LHFPL3: variants seen among roughly 807,000 people sequenced by gnomAD.
The protein encoded by LHFPL3 is LHFPL tetraspan subfamily member 3.
A neutral mutation model predicts 19.3 loss-of-function variants in LHFPL3; 5 were observed. That is an observed-to-expected ratio of 0.26 (90% CI 0.14 to 0.54). LHFPL3 has a LOEUF of 0.54. Ranked by LOEUF, LHFPL3 falls within the 20% of genes least tolerant of loss-of-function variation. LHFPL3 has a pLI of 0.94. For missense variants in LHFPL3, 249 were observed against 307.4 expected, an observed-to-expected ratio of 0.81 and a Z score of 1.42; for synonymous variants, 133 against 126.2, an observed-to-expected ratio of 1.05 and a Z score of -0.36.
chr7:104,670,868 T>TG (rs1554422780), intron 1 of LHFPL3, among the ~76,000 whole-genome samples: 7 of 150,130 alleles, frequency 4.7e-5, no homozygotes, highest in Non-Finnish European at 8.9e-5. Flanking sequence ...TTTGTTTTGT[T>TG]TTTTTTTTTT....
At chr7:104,673,380 C>G (rs372527220) in intron 1 of LHFPL3, among the ~76,000 whole-genome samples, 9 of 152,184 alleles carry the variant, frequency 5.9e-5, no homozygotes, top group African/African-American at 1.9e-4. Context: ...TCGTCTAACA[C>G]TTTTTGGAAG....
intron 2 of LHFPL3, among the ~76,000 whole-genome samples, chr7:104,893,749 C>T (rs1439422843): frequency 6.6e-6 from 1 of 151,952 alleles, no homozygotes; most frequent in African/African-American, 2.4e-5. Flanking sequence ...GTCAGGAGTT[C>T]GAGACCAGCC....
chr7:104,426,209 GC>G (rs1791840922), intron 1 of LHFPL3, among the ~76,000 whole-genome samples: 1 of 152,116 alleles, frequency 6.6e-6, no homozygotes, highest in Admixed American at 6.6e-5. Context: ...GATAGGTAAA[GC>G]TTTGATTCTG....
At position 104,468,395 on chromosome 7, in the gene LHFPL3, G is replaced by A. The variant is rs554063306; in HGVS notation, c.445+139171G>A. Among the ~76,000 whole-genome samples, 448 of 152,324 alleles carry A rather than the reference G, an allele frequency of 2.9e-3. 1 individual carries two copies. The highest frequency in any genetic ancestry group is 4.8e-3 in the Non-Finnish European group (327 of 68,026). On this transcript the variant is annotated intron_variant, in intron 1 of 2. Coordinates refer to ENST00000424859, the MANE Select transcript of LHFPL3 (RefSeq NM_199000.3). ...CTAAGAATGGAAGCCAGTGCCAATA[G>A]CCAGTAGCTGCAGCTTGGGAGGCAG...
intron 1 of LHFPL3, among the ~76,000 whole-genome samples, chr7:104,693,376 G>A (rs1351065080): frequency 3.3e-5 from 5 of 152,108 alleles, no homozygotes; most frequent in Non-Finnish European, 7.4e-5. Flanking sequence ...TTTGGGAGGG[G>A]CCAGGGCAGA....
intron 1 of LHFPL3, among the ~76,000 whole-genome samples, chr7:104,723,578 T>C (rs1313754270): frequency 6.6e-6 from 1 of 151,596 alleles, no homozygotes; most frequent in Non-Finnish European, 1.5e-5. Context: ...AAAAATTAGT[T>C]GGGTGTGGCG....
intron 2 of LHFPL3, among the ~76,000 whole-genome samples, chr7:104,884,404 CCCAGTGTGGTTCA>C (rs1216161492): frequency 6.6e-6 from 1 of 152,170 alleles, no homozygotes; most frequent in Non-Finnish European, 1.5e-5. Flanking sequence ...CTCGGTATTT[CCCAGTGTGGTTCA>C]CCAGCCACCT....
In LHFPL3 at chr7:104,720,000, T is replaced by C. The variant is rs561927509; in HGVS notation, c.446-16675T>C. Among the ~76,000 whole-genome samples, 5 of 152,232 alleles carry C rather than the reference T, an allele frequency of 3.3e-5. No homozygotes were observed. In the East Asian group the frequency reaches 9.7e-4, roughly 29 times the overall value. Reference sequence around the variant, plus strand: ...TGACCTCCAAACCAACTGAGAGCGATGGAGGAAGATGGGAACCAAAATAGC... The same window carrying C: ...TGACCTCCAAACCAACTGAGAGCGACGGAGGAAGATGGGAACCAAAATAGC... On this transcript the variant is annotated intron_variant, in intron 1 of 2. Transcript: ENST00000424859.
At chr7:104,487,620 C>T (rs117563925) in intron 1 of LHFPL3, among the ~76,000 whole-genome samples, 3,007 of 152,290 alleles carry the variant, frequency 0.02, 136 homozygotes, top group Admixed American at 0.11. Flanking sequence ...TGGCCCCTGG[C>T]CAGGAATCAT....
rs571698736 is a variant in LHFPL3 at position 104,564,495 on chromosome 7, A to G, written c.446-172180A>G. 2.0e-5 allele frequency among the ~76,000 whole-genome samples: 3 copies of G among 152,362 alleles called. No individual in the cohort carries two copies. In the South Asian group the frequency reaches 6.2e-4, roughly 32 times the overall value. The stretch of plus-strand genomic sequence containing the variant: ...AGCTGGTTATTGCAAAGGATACCAC[A>G]TATTTGAATAATATTATGAATCCAT... On this transcript the variant is annotated intron_variant, in intron 1 of 2. Coordinates refer to ENST00000424859, the MANE Select transcript of LHFPL3 (RefSeq NM_199000.3).
chr7:104,766,341 C>A (rs1347679817), intron 2 of LHFPL3, among the ~76,000 whole-genome samples: 1 of 152,228 alleles, frequency 6.6e-6, no homozygotes, highest in Admixed American at 6.5e-5. Flanking sequence ...AAGGCTCTTA[C>A]ATCCTCTTAG....
At chr7:104,548,358 T>C (rs1376360801) in intron 1 of LHFPL3, among the ~76,000 whole-genome samples, 1 of 152,162 alleles carries the variant, frequency 6.6e-6, no homozygotes, top group Non-Finnish European at 1.5e-5. Context: ...GCAATCCATA[T>C]ACATCCTAAA....
intron 1 of LHFPL3, among the ~76,000 whole-genome samples, chr7:104,711,463 T>G (rs1330860909): frequency 6.6e-6 from 1 of 152,180 alleles, no homozygotes; most frequent in Non-Finnish European, 1.5e-5. Context: ...TTAGGCTTGA[T>G]TCAAGATGGA....
intron 1 of LHFPL3, among the ~76,000 whole-genome samples, chr7:104,351,345 C>G (rs1316488344): frequency 6.6e-6 from 1 of 152,170 alleles, no homozygotes; most frequent in East Asian, 1.9e-4. Flanking sequence ...GAGCCCATTT[C>G]ACTTCTCTGA....
At chr7:104,478,406 T>C (rs73405797) in intron 1 of LHFPL3, among the ~76,000 whole-genome samples, 1,522 of 152,184 alleles carry the variant, frequency 0.01, 22 homozygotes, top group African/African-American at 0.035. Context: ...GTAGTTTTGA[T>C]GTCTGCTTTT....
intron 1 of LHFPL3, among the ~76,000 whole-genome samples, chr7:104,425,010 T>TAAAAAAAAAAAA (rs1791814979): frequency 9.2e-6 from 1 of 108,382 alleles, no homozygotes; most frequent in Non-Finnish European, 1.8e-5. Context: ...AAAAAAGAAG[T>TAAAAAAAAAAAA]ATCTGACTCA....
intron 1 of LHFPL3, among the ~76,000 whole-genome samples, chr7:104,494,433 C>G (rs886144885): frequency 6.6e-6 from 1 of 152,154 alleles, no homozygotes; most frequent in African/African-American, 2.4e-5. Flanking sequence ...TCACACTGTT[C>G]TCTCTTTGTT....
chr7:104,809,739 A>G (rs2116497935), intron 2 of LHFPL3, among the ~76,000 whole-genome samples: 1 of 152,368 alleles, frequency 6.6e-6, no homozygotes, highest in South Asian at 2.1e-4. Context: ...CATACAGCAC[A>G]GAGGAAGCTC....
intron 1 of LHFPL3, among the ~76,000 whole-genome samples, chr7:104,715,519 G>C (rs1266764927): frequency 2.0e-5 from 3 of 152,148 alleles, no homozygotes; most frequent in African/African-American, 7.2e-5. Context: ...TATGATGTTT[G>C]CTGTGGGCTT....
Sources: gnomAD v4.1 joint callset for allele counts (sites outside exome capture counted in the v4.1 genomes callset) on GRCh38, gnomAD v4.1.1 for gene constraint, MANE v1.5 for transcripts, NCBI Gene and HGNC (gene_info 2026-07-23, HGNC 2026-07-21) for gene names.